GTF2H2: variants seen among roughly 807,000 people sequenced by gnomAD.
The protein encoded by GTF2H2 is TFIIH basal transcription factor complex p44 subunit.
GTF2H2 carries 2 observed loss-of-function variants against 16.5 expected under a neutral mutation model. The observed-to-expected ratio is 0.12, with a 90% confidence interval of 0.05 to 0.38. The LOEUF (loss-of-function observed/expected upper bound fraction) is 0.38. GTF2H2 is among the 10% of genes least tolerant of loss of function. GTF2H2 has a pLI of 0.99. For synonymous variants in GTF2H2, 8 were observed against 44.1 expected, an observed-to-expected ratio of 0.18 and a Z score of 3.24; for missense variants, 20 against 137.0, an observed-to-expected ratio of 0.15 and a Z score of 4.26.
At chr5:71,061,386 G>A in intron 3 of GTF2H2, 78 bp from the exon 4 acceptor site, 1 of 1,232,704 alleles carries the variant, frequency 8.1e-7, no homozygotes, top group Non-Finnish European at 1.2e-6. Flanking sequence ...CTTTCCAATT[G>A]ACCTCCTTTG....
chr5:71,037,974 CAA>C (rs1164937065), intron 14 of GTF2H2, among the ~76,000 whole-genome samples: 77 of 8,418 alleles, frequency 9.1e-3, no homozygotes, highest in African/African-American at 0.022. Flanking sequence ...CTCTGACTCA[CAA>C]AAAAAAAAAA....
intron 14 of GTF2H2, among the ~76,000 whole-genome samples, chr5:71,037,974 C>CAAA (rs1164937065): frequency 0.014 from 117 of 8,258 alleles, no homozygotes; most frequent in East Asian, 0.024. Flanking sequence ...CTCTGACTCA[C>CAAA]AAAAAAAAAA....
intron 7 of GTF2H2, chr5:71,058,242 A>T (rs1327048695): frequency 1.4e-5 from 2 of 141,058 alleles, no homozygotes; most frequent in Admixed American, 1.4e-4. Context: ...ACTGCTGGTA[A>T]CTCGGGGTGG....
intron 8 of GTF2H2, 82 bp downstream of exon 8, chr5:71,055,270 T>A: frequency 7.4e-7 from 1 of 1,359,356 alleles, no homozygotes; most frequent in Non-Finnish European, 1.0e-6. Flanking sequence ...GCTGGGTTTA[T>A]GGGCCCCATA....
chr5:71,056,516 CTTT>C (rs1213939984), intron 7 of GTF2H2, among the ~76,000 whole-genome samples: 6 of 46,310 alleles, frequency 1.3e-4, no homozygotes, highest in Admixed American at 1.0e-3. Flanking sequence ...CTGCCAAATC[CTTT>C]TTTTTCTTTT....
chr5:71,040,390 C>A (rs1227489969), intron 14 of GTF2H2, among the ~76,000 whole-genome samples: 1 of 7,118 alleles, frequency 1.4e-4, no homozygotes, highest in Middle Eastern at 0.024. Context: ...CCACCACACC[C>A]GGCTAATTTT....
At chr5:71,061,421 T>C in intron 3 of GTF2H2, 113 bp from the exon 4 acceptor site, 1 of 903,630 alleles carries the variant, frequency 1.1e-6, no homozygotes, top group Non-Finnish European at 1.7e-6. Flanking sequence ...TAATTCTGAG[T>C]AAGAATGTCA....
At position 71,054,186 on chromosome 5, in the gene GTF2H2, T is replaced by G. The variant is rs1273478243; in HGVS notation, c.470+1166A>C. 4.1e-5 allele frequency among the ~76,000 whole-genome samples: 6 copies of G among 145,768 alleles called. 1 individual carries two copies. The highest frequency in any genetic ancestry group is 7.5e-5 in the Non-Finnish European group (5 of 66,484). ...TTAATTAAAATGATAGCTTGTAGAT[T>G]TTTAAGTTGTGGTGACCAGTTTTCA... On this transcript the variant is annotated intron_variant, in intron 8 of 15. Coordinates refer to ENST00000274400, the Ensembl canonical transcript of GTF2H2.
rs497951 is a variant in GTF2H2, at chr5:71,038,428, C to T, written c.1029-882G>A. On this transcript the variant is annotated intron_variant, in intron 14 of 15. Coordinates refer to ENST00000274400, the Ensembl canonical transcript of GTF2H2. The stretch of plus-strand genomic sequence containing the variant: ...CTAACGTTTGTTTGATAGTCACTTA[C>T]TCTAATAAGTGCTACTTTGTGATTC... Among the ~76,000 whole-genome samples, 624 of 87,742 alleles carry T rather than the reference C, an allele frequency of 7.1e-3. 184 individuals are homozygous for T. The Admixed American group carries it at 0.072, about 10-fold the overall frequency. 57.6% of individuals were successfully genotyped at this position (87,742 alleles called of 152,430 possible). A position where few individuals can be genotyped will look rare whatever the true frequency, so the allele number is the denominator to read the frequency against.
intron 7 of GTF2H2, chr5:71,058,595 A>G (rs1475473516): frequency 8.1e-6 from 1 of 123,234 alleles, no homozygotes; most frequent in African/African-American, 3.2e-5. Flanking sequence ...ACCCCAACAT[A>G]TGCAGCAACT....
At chr5:71,054,700 AAT>A (rs1226180736) in intron 8 of GTF2H2, among the ~76,000 whole-genome samples, 3 of 114,746 alleles carry the variant, frequency 2.6e-5, no homozygotes, top group African/African-American at 1.1e-4. Context: ...CTCGAAAAAA[AAT>A]ATATATATAC....
intron 15 of GTF2H2, among the ~76,000 whole-genome samples, chr5:71,036,662 A>G (rs1181090776): frequency 1.4e-5 from 1 of 71,444 alleles, no homozygotes. Flanking sequence ...GAGGCTAGGC[A>G]TGAGAATCAC....
chr5:71,054,022 G>A (rs1171089676), intron 8 of GTF2H2, among the ~76,000 whole-genome samples: 2 of 133,902 alleles, frequency 1.5e-5, no homozygotes, highest in Middle Eastern at 3.5e-3. Flanking sequence ...ATTTATTACT[G>A]AAGTTTTCAA....
intron 8 of GTF2H2, among the ~76,000 whole-genome samples, chr5:71,052,079 G>A (rs1398721850): frequency 7.1e-6 from 1 of 141,494 alleles, no homozygotes; most frequent in East Asian, 2.0e-4. Context: ...TTGATATTTA[G>A]TGTAGTCACC....
intron 7 of GTF2H2, among the ~76,000 whole-genome samples, chr5:71,056,523 TTC>T (rs1753249671): frequency 2.0e-5 from 1 of 49,242 alleles, no homozygotes. Context: ...ATCCTTTTTT[TTC>T]TTTTTAATAT....
chr5:71,054,116 T>C (rs1216628738), intron 8 of GTF2H2, among the ~76,000 whole-genome samples: 1 of 142,970 alleles, frequency 7.0e-6, no homozygotes, highest in Non-Finnish European at 1.5e-5. Flanking sequence ...AACCTCACAG[T>C]AATTCAGAGT....
chr5:71,058,475 G>C (rs1350099401), intron 7 of GTF2H2: 2 of 141,976 alleles, frequency 1.4e-5, no homozygotes, highest in African/African-American at 5.3e-5. Flanking sequence ...GTTCTCCCTA[G>C]ACGTGTGCTG....
At chr5:71,052,915 A>ATTTTTT (rs1241503525) in intron 8 of GTF2H2, among the ~76,000 whole-genome samples, 86 of 44,048 alleles carry the variant, frequency 2.0e-3, no homozygotes, top group Non-Finnish European at 2.6e-3. Flanking sequence ...TGCCTGGCTA[A>ATTTTTT]TTTTTTTTTT....
At chr5:71,054,599 C>G (rs997845228) in intron 8 of GTF2H2, among the ~76,000 whole-genome samples, 2 of 142,258 alleles carry the variant, frequency 1.4e-5, no homozygotes, top group African/African-American at 2.7e-5. Context: ...GAGGCTGAGG[C>G]ACAAGAATCA....
Sources: gnomAD v4.1 joint callset for allele counts (sites outside exome capture counted in the v4.1 genomes callset) on GRCh38, gnomAD v4.1.1 for gene constraint, MANE v1.5 for transcripts, NCBI Gene and HGNC (gene_info 2026-07-23, HGNC 2026-07-21) for gene names.